RNGTT: variants seen among roughly 807,000 people sequenced by gnomAD.
RNGTT encodes the protein RNA guanylyltransferase and 5'-phosphatase.
In RNGTT, 33 loss-of-function variants were observed where a neutral mutation model predicts 79.3. The ratio of observed to expected loss-of-function variants is 0.42; its 90% CI spans 0.32 to 0.56. The LOEUF is 0.56. RNGTT is among the 20% of genes least tolerant of loss of function. The probability of loss-of-function intolerance (pLI) is 0.17; values close to 1 mark genes in which losing one functional copy is unlikely to be tolerated. For missense variants in RNGTT, 497 were observed against 739.1 expected (o/e 0.67, Z 3.80); for synonymous variants, 222 against 235.9 (o/e 0.94, Z 0.54).
intron 14 of RNGTT, among the ~76,000 whole-genome samples, chr6:88,671,098 A>G (rs900465758): frequency 2.0e-5 from 3 of 152,232 alleles, no homozygotes; most frequent in Non-Finnish European, 4.4e-5. Flanking sequence ...TGGAAGTCCT[A>G]GCCAGGGCAA....
chr6:88,702,664 A>T (rs1244480264), intron 13 of RNGTT, among the ~76,000 whole-genome samples: 1 of 152,186 alleles, frequency 6.6e-6, no homozygotes, highest in Admixed American at 6.5e-5. Flanking sequence ...AGAATTTATG[A>T]TTAAGTCCTC....
chr6:88,942,947 T>C (rs774464365), intron 1 of RNGTT, among the ~76,000 whole-genome samples: 10 of 152,148 alleles, frequency 6.6e-5, no homozygotes, highest in Non-Finnish European at 1.5e-4. Context: ...CCTCCTGGTT[T>C]TCCTTCTAGC....
intron 11 of RNGTT, among the ~76,000 whole-genome samples, chr6:88,833,809 G>A (rs890270619): frequency 6.6e-6 from 1 of 152,152 alleles, no homozygotes; most frequent in Admixed American, 6.5e-5. Flanking sequence ...AGATCACGAG[G>A]TCAGGAGTTT....
At chr6:88,885,116 A>ACT (rs1394422081) in intron 8 of RNGTT, among the ~76,000 whole-genome samples, 10 of 151,544 alleles carry the variant, frequency 6.6e-5, no homozygotes, top group African/African-American at 2.0e-4. Flanking sequence ...TTATGTATAT[A>ACT]CTCACACACA....
At chr6:88,783,651 T>G (rs1243893685) in intron 12 of RNGTT, among the ~76,000 whole-genome samples, 1 of 152,128 alleles carries the variant, frequency 6.6e-6, no homozygotes, top group Non-Finnish European at 1.5e-5. Flanking sequence ...AATCTATAAA[T>G]CTAAGACAAT....
At chr6:88,810,326 T>C (rs1370725057) in intron 11 of RNGTT, among the ~76,000 whole-genome samples, 2 of 152,172 alleles carry the variant, frequency 1.3e-5, no homozygotes, top group East Asian at 1.9e-4. Flanking sequence ...CCTTTAAAGA[T>C]GGAAGTTGTA....
intron 13 of RNGTT, among the ~76,000 whole-genome samples, chr6:88,698,711 G>T (rs1775843289): frequency 6.6e-6 from 1 of 151,930 alleles, no homozygotes; most frequent in Admixed American, 6.6e-5. Flanking sequence ...AGGCTATATT[G>T]TCAGTCTTAA....
intron 13 of RNGTT, among the ~76,000 whole-genome samples, chr6:88,705,054 A>T (rs899299448): frequency 6.6e-6 from 1 of 152,126 alleles, no homozygotes. Flanking sequence ...ATTACTAAAG[A>T]CTTCTCAACC....
At chr6:88,934,565 A>T (rs1784609217) in intron 2 of RNGTT, among the ~76,000 whole-genome samples, 1 of 152,198 alleles carries the variant, frequency 6.6e-6, no homozygotes, top group Admixed American at 6.5e-5. Context: ...AATCCCTCAG[A>T]AGAATAGTTT....
chr6:88,737,474 G>A (rs985598162), intron 13 of RNGTT, among the ~76,000 whole-genome samples: 5 of 152,174 alleles, frequency 3.3e-5, no homozygotes, highest in East Asian at 1.9e-4. Context: ...ATTGGGGGAA[G>A]GGAGGCAGGG....
chr6:88,920,042 G>A (rs1169689880), intron 4 of RNGTT, among the ~76,000 whole-genome samples: 1 of 152,150 alleles, frequency 6.6e-6, no homozygotes, highest in Non-Finnish European at 1.5e-5. Flanking sequence ...ATTTTGTAAT[G>A]TCTAGAGACA....
rs1772011830 is a variant in RNGTT at position 88,611,257 on chromosome 6, G to A, written c.*1462C>T. ...TACATTTTTGGTTCATCTGTGCTAT[G>A]TCCATATAGAAATCCCGTCAGATAT... On this transcript the variant is annotated 3_prime_UTR_variant, in exon 16 of 16. Transcript: ENST00000369485. 1 of 152,602 alleles carries A rather than the reference G, an allele frequency of 6.6e-6. No homozygotes were observed. Among genetic ancestry groups the A allele is most frequent in the Admixed American group, 6.5e-5 (1 of 15,290 alleles). The allele number at this position is 152,602 out of a possible 1,614,324, so 9.5% of individuals were successfully genotyped here.
At chr6:88,901,495 C>CTTTTTTTTTTTTTTTTTTTTTTTTTTT (rs71024314) in intron 6 of RNGTT, among the ~76,000 whole-genome samples, 1 of 65,810 alleles carries the variant, frequency 1.5e-5, no homozygotes. Flanking sequence ...GCACCCTGAT[C>CTTTTTTTTTTTTTTTTTTTTTTTTTTT]TTTTTTTTTT....
rs753597591 is a variant in RNGTT, at chr6:88,849,744, T to C, written c.1104+11A>G. On this transcript the variant is annotated intron_variant, in intron 10 of 15. Coordinates refer to ENST00000369485, the MANE Select transcript of RNGTT (RefSeq NM_003800.5). ...GTAATAACTTGTATTTTATAAATTA[T>C]AGGTACTTACATTGAATTTAATTAT... The C allele has an allele frequency of 1.2e-5, 18 of 1,512,344 alleles. No homozygotes were observed. The highest frequency in any genetic ancestry group is 1.1e-4 in the African/African-American group (8 of 69,806). 93.7% of individuals were successfully genotyped at this position (1,512,344 alleles called of 1,614,324 possible). A position where few individuals can be genotyped will look rare whatever the true frequency, so the allele number is the denominator to read the frequency against.
At chr6:88,827,221 G>A (rs6906672) in intron 11 of RNGTT, among the ~76,000 whole-genome samples, 3,738 of 152,150 alleles carry the variant, frequency 0.025, 165 homozygotes, top group African/African-American at 0.084. Context: ...GTTAGACAGT[G>A]GGTGCAGCCC....
intron 13 of RNGTT, among the ~76,000 whole-genome samples, chr6:88,736,523 C>G (rs1204273494): frequency 6.6e-6 from 1 of 151,982 alleles, no homozygotes; most frequent in Non-Finnish European, 1.5e-5. Context: ...AGAGGAGATA[C>G]CTAAACAAAG....
chr6:88,897,233 T>C (rs1420271790), intron 6 of RNGTT, among the ~76,000 whole-genome samples: 3 of 152,198 alleles, frequency 2.0e-5, no homozygotes, highest in Non-Finnish European at 4.4e-5. Flanking sequence ...CTTACCCTCT[T>C]GTTCTTCATC....
chr6:88,841,776 A>G (rs1023440104), intron 11 of RNGTT, among the ~76,000 whole-genome samples: 1 of 152,368 alleles, frequency 6.6e-6, no homozygotes, highest in Non-Finnish European at 1.5e-5. Flanking sequence ...GTGAAGCTAC[A>G]AACCTGATTC....
At chr6:88,625,824 C>T in intron 14 of RNGTT, among the ~76,000 whole-genome samples, 1 of 151,930 alleles carries the variant, frequency 6.6e-6, no homozygotes, top group Non-Finnish European at 1.5e-5. Flanking sequence ...TTGTCAGTGG[C>T]TTCCCATTAC....
Sources: allele counts gnomAD v4.1 joint callset (sites outside exome capture counted in the v4.1 genomes callset), GRCh38; gene constraint gnomAD v4.1.1; transcripts MANE v1.5; gene names NCBI Gene and HGNC (gene_info 2026-07-23, HGNC 2026-07-21).